The following TRPM2 variants were observed in gnomAD, a reference collection of about 807,000 sequenced individuals.
TRPM2 encodes the protein transient receptor potential cation channel subfamily M member 2.
In TRPM2, 161 loss-of-function variants were observed where a neutral mutation model predicts 174.0. The ratio of observed to expected loss-of-function variants is 0.93; its 90% CI spans 0.81 to 1.05. The LOEUF (loss-of-function observed/expected upper bound fraction) is 1.05. Among genes scored for constraint, TRPM2 ranks in the 50% least tolerant of loss-of-function variants. The pLI is 0.00. For missense variants in TRPM2, 2,057 were observed against 2,038.0 expected, an observed-to-expected ratio of 1.01 and a Z score of -0.18; for synonymous variants, 954 against 861.3, an observed-to-expected ratio of 1.11 and a Z score of -1.88.
intron 15 of TRPM2, among the ~76,000 whole-genome samples, chr21:44,401,254 C>G (rs2049607326): frequency 6.6e-6 from 1 of 152,166 alleles, no homozygotes; most frequent in Non-Finnish European, 1.5e-5. Context: ...AGCCCCACCC[C>G]CATTGAGGAC....
At chr21:44,359,891 C>G (rs28472722) in intron 2 of TRPM2, among the ~76,000 whole-genome samples, 38,248 of 151,440 alleles carry the variant, frequency 0.25, 5,311 homozygotes, top group African/African-American at 0.39. Flanking sequence ...GGGACTACAG[C>G]TGTGCACCAT....
At chr21:44,383,683 C>T (rs573374974) in intron 9 of TRPM2, among the ~76,000 whole-genome samples, 11 of 151,850 alleles carry the variant, frequency 7.2e-5, no homozygotes, top group Non-Finnish European at 1.5e-4. Context: ...TCTCTGACAA[C>T]AAGATGAAGT....
At chr21:44,425,216 C>A (rs1308364336) in intron 24 of TRPM2, 2 of 463,350 alleles carry the variant, frequency 4.3e-6, no homozygotes, top group Non-Finnish European at 7.7e-6. Context: ...TACCGCACTG[C>A]AGAGTGGGGG....
intron 13 of TRPM2, among the ~76,000 whole-genome samples, chr21:44,398,641 A>G (rs2049509979): frequency 6.6e-6 from 1 of 152,096 alleles, no homozygotes; most frequent in Non-Finnish European, 1.5e-5. Flanking sequence ...CAGGGGTCGA[A>G]GTGGGTTCTT....
At chr21:44,400,818 G>A (rs1323643014) in intron 15 of TRPM2, among the ~76,000 whole-genome samples, 1 of 152,196 alleles carries the variant, frequency 6.6e-6, no homozygotes, top group Non-Finnish European at 1.5e-5. Context: ...AGGAGGACAC[G>A]GCTGGCCATG....
intron 17 of TRPM2, among the ~76,000 whole-genome samples, chr21:44,405,701 G>C (rs2049845719): frequency 6.6e-6 from 1 of 152,170 alleles, no homozygotes; most frequent in African/African-American, 2.4e-5. Flanking sequence ...AGGCTGCCCT[G>C]TGGGGCTGGG....
In TRPM2 at chr21:44,382,810, C is replaced by T. The variant is rs2048921742; in HGVS notation, c.1308C>T (p.Ala436=). 2 of 1,613,144 alleles carry T rather than the reference C, an allele frequency of 1.2e-6. No individual in the cohort carries two copies. Among genetic ancestry groups the T allele is most frequent in the African/African-American group, 1.3e-5 (1 of 74,900 alleles). The part of the protein sequence containing the change: ...QQDVDVAILQ[A]LLKASRSQDH... ...ACGTGGATGTGGCCATCTTGCAGGC[C>T]TTGCTGAAAGGTGAGGGTCAGGGAA... The change falls in exon 9 of 32, where the codon GCC becomes GCT. Residue 436 remains alanine (A), a synonymous_variant. Transcript: ENST00000397928.
In TRPM2 at chr21:44,419,196, G is replaced by T. The variant is rs79572250; in HGVS notation, c.3461+641G>T. Among the ~76,000 whole-genome samples the T allele has an allele frequency of 3.5e-4, 54 of 152,262 alleles. No individual in the cohort carries two copies. In the East Asian group the frequency reaches 9.3e-3, roughly 26 times the overall value. On this transcript the variant is annotated intron_variant, in intron 22 of 31. Transcript: ENST00000397928. The stretch of plus-strand genomic sequence containing the variant: ...GTCTCACCATGGCATGAGAGGAGGA[G>T]GGGGAAATGGACACGGTGCCACCTA...
At chr21:44,369,479 G>GTGGAGTGTA in intron 5 of TRPM2, 136 bp downstream of exon 5, 1 of 976,214 alleles carries the variant, frequency 1.0e-6, no homozygotes, top group Non-Finnish European at 1.4e-6. Context: ...TGGGGAGCAG[G>GTGGAGTGTA]CGGAGTGTGC....
At chr21:44,387,574 G>A (rs1035246313) in intron 9 of TRPM2, among the ~76,000 whole-genome samples, 8 of 152,110 alleles carry the variant, frequency 5.3e-5, no homozygotes, top group African/African-American at 1.7e-4. Context: ...AAATAATTTT[G>A]TGCATCAAAA....
rs763623136 is a variant in TRPM2 at position 44,424,913 on chromosome 21, G to T, written c.3611G>T (p.Ser1204Ile). The T allele has an allele frequency of 3.2e-5, 51 of 1,607,218 alleles. No individual in the cohort carries two copies. Among genetic ancestry groups the T allele is most frequent in the Non-Finnish European group, 4.1e-5 (48 of 1,178,432 alleles). Residue 1204 changes from serine (S) to isoleucine (I), a missense_variant, in exon 24 of 32, where the codon AGC (serine) becomes ATC (isoleucine). Ser to Ile is a moderately radical substitution (Grantham distance 142, BLOSUM62 -2). Coordinates refer to ENST00000397928, the MANE Select transcript of TRPM2 (RefSeq NM_003307.4). The stretch of plus-strand genomic sequence containing the variant: ...AGGACGCTGCGGGCCAGCGGCTTCA[G>T]CTCGGAGGCGGACGTCCCCACTCTG... ...IVRTLRASGFSSEADVPTLAS... is the reference protein window; with the variant it reads ...IVRTLRASGFISEADVPTLAS...
At chr21:44,434,455 G>A (rs1355612891) in intron 27 of TRPM2, among the ~76,000 whole-genome samples, 2 of 152,040 alleles carry the variant, frequency 1.3e-5, no homozygotes, top group Admixed American at 6.5e-5. Context: ...GGATGCTGCT[G>A]GGGACCTTCT....
chr21:44,360,477 G>A (rs1372648275), intron 2 of TRPM2, among the ~76,000 whole-genome samples: 2 of 152,114 alleles, frequency 1.3e-5, no homozygotes, highest in East Asian at 1.9e-4. Context: ...AGGGCCCCAC[G>A]GTTCCCCCTG....
intron 22 of TRPM2, among the ~76,000 whole-genome samples, chr21:44,422,721 G>A (rs193065685): frequency 1.8e-4 from 28 of 152,242 alleles, no homozygotes; most frequent in Non-Finnish European, 3.1e-4. Context: ...GAGGCTGGGC[G>A]AAGCAAAATA....
At chr21:44,403,886 A>G (rs2049739294) in intron 16 of TRPM2, among the ~76,000 whole-genome samples, 2 of 151,476 alleles carry the variant, frequency 1.3e-5, no homozygotes, top group African/African-American at 4.9e-5. Flanking sequence ...ATACACATGC[A>G]CATACATATA....
chr21:44,371,035 C>T (rs1224332027), intron 5 of TRPM2, among the ~76,000 whole-genome samples: 1 of 152,254 alleles, frequency 6.6e-6, no homozygotes, highest in African/African-American at 2.4e-5. Flanking sequence ...AACCTGGTGG[C>T]TTAAAGCAGC....
At chr21:44,358,352 C>T (rs2048115848) in intron 2 of TRPM2, among the ~76,000 whole-genome samples, 1 of 151,200 alleles carries the variant, frequency 6.6e-6, no homozygotes, top group Non-Finnish European at 1.5e-5. Context: ...TTCACGCGCA[C>T]ATGCGGTGGG....
intron 28 of TRPM2, 101 bp from the exon 29 acceptor site, chr21:44,436,961 C>A: frequency 1.0e-6 from 1 of 1,000,400 alleles, no homozygotes; most frequent in Non-Finnish European, 1.5e-6. Context: ...CTGCAGTGGG[C>A]CTGACACTGC....
Position 44,354,852 on chromosome 21 carries a change from C to G in TRPM2, c.254+116C>G. The G allele has an allele frequency of 1.1e-6, 1 of 876,822 alleles. No homozygotes were observed. Among genetic ancestry groups the G allele is most frequent in the East Asian group, 2.5e-5 (1 of 40,334 alleles). The allele number at this position is 876,822 out of a possible 1,614,324, so 54.3% of individuals were successfully genotyped here. A position where few individuals can be genotyped will look rare whatever the true frequency, so the allele number is the denominator to read the frequency against. ...CAGTGAAGGGTCACTGGAGATACCT[C>G]TGTCTCCATACGAGGCTTAGAGTCC... is the stretch of plus-strand genomic sequence containing the variant. On this transcript the variant is annotated intron_variant, in intron 2 of 31. Transcript: ENST00000397928. The surrounding 1 kb of genome is among the most constrained non-coding windows in gnomAD (Gnocchi z 4.3).
Sources: allele counts gnomAD v4.1 joint callset (sites outside exome capture counted in the v4.1 genomes callset), GRCh38; gene constraint gnomAD v4.1.1; non-coding constraint Gnocchi (gnomAD v3.1); transcripts MANE v1.5; gene names NCBI Gene and HGNC (gene_info 2026-07-23, HGNC 2026-07-21).